The following LGSN variants were observed in gnomAD, a reference collection of about 807,000 sequenced individuals.
LGSN encodes the protein lengsin, lens protein with glutamine synthetase domain, also known as lengsin.
LGSN carries 21 observed loss-of-function variants against 19.5 expected under a neutral mutation model. The ratio of observed to expected loss-of-function variants is 1.07; its 90% CI spans 0.76 to 1.55. The LOEUF (loss-of-function observed/expected upper bound fraction) is 1.55. Ranked by LOEUF, LGSN falls within the 40% of genes most tolerant of loss-of-function variation. The pLI, the probability that LGSN is intolerant of heterozygous loss-of-function variation, is 0.00. For synonymous variants in LGSN, 257 were observed against 215.6 expected, an observed-to-expected ratio of 1.19 and a Z score of -1.68; for missense variants, 673 against 608.5, an observed-to-expected ratio of 1.11 and a Z score of -1.12.
the LGSN span, among the ~76,000 whole-genome samples, chr6:63,331,404 C>A: frequency 4.2e-3 from 634 of 152,152 alleles, 9 homozygotes; most frequent in Middle Eastern, 0.017. Flanking sequence ...GGGGCCAAGC[C>A]GTAGTGCAGA....
chr6:63,534,062 A>G, the LGSN span, among the ~76,000 whole-genome samples: 1 of 152,034 alleles, frequency 6.6e-6, no homozygotes, highest in Non-Finnish European at 1.5e-5. Context: ...AGGCTAGTCT[A>G]GAAATTCTGG....
At chr6:63,288,798 G>A (rs1767652245) in intron 2 of LGSN, among the ~76,000 whole-genome samples, 2 of 152,114 alleles carry the variant, frequency 1.3e-5, no homozygotes, top group African/African-American at 4.8e-5. Flanking sequence ...GCATGTCTGT[G>A]GCCTAAACTC....
the LGSN span, chr6:63,441,300 C>A: frequency 2.2e-6 from 1 of 457,758 alleles, no homozygotes; most frequent in Non-Finnish European, 4.4e-6. Flanking sequence ...GCCGCAGCAC[C>A]CACCAGCAGA....
At chr6:63,448,584 T>C in the LGSN span, among the ~76,000 whole-genome samples, 3 of 151,896 alleles carry the variant, frequency 2.0e-5, no homozygotes, top group African/African-American at 4.8e-5. Flanking sequence ...CTAAGTATTA[T>C]ACACCCTCGA....
chr6:63,361,198 A>T, the LGSN span, among the ~76,000 whole-genome samples: 1 of 152,194 alleles, frequency 6.6e-6, no homozygotes. Context: ...GACAGGGACA[A>T]ATAAGTCTGC....
chr6:63,538,880 A>C, the LGSN span, among the ~76,000 whole-genome samples: 1 of 151,946 alleles, frequency 6.6e-6, no homozygotes, highest in South Asian at 2.1e-4. Flanking sequence ...GAGAAGTAAT[A>C]ATATTTATTT....
the LGSN span, among the ~76,000 whole-genome samples, chr6:63,566,038 T>C: frequency 1.9e-4 from 29 of 152,352 alleles, no homozygotes; most frequent in African/African-American, 6.3e-4. Flanking sequence ...TGGTTTCCCA[T>C]TTACACTACA....
At chr6:63,473,474 A>T in the LGSN span, among the ~76,000 whole-genome samples, 5 of 35,822 alleles carry the variant, frequency 1.4e-4, no homozygotes, top group East Asian at 8.8e-4. Flanking sequence ...ACTCTGTCTA[A>T]AAAAAAAAAA....
the LGSN span, among the ~76,000 whole-genome samples, chr6:63,462,709 C>T: frequency 6.6e-6 from 1 of 152,156 alleles, no homozygotes; most frequent in Admixed American, 6.5e-5. Context: ...AGGAGTGTTT[C>T]CAGAGTGTCA....
the LGSN span, among the ~76,000 whole-genome samples, chr6:63,564,409 A>T: frequency 2.6e-5 from 4 of 152,222 alleles, no homozygotes; most frequent in African/African-American, 9.6e-5. Context: ...CCCTAGTTAA[A>T]AAGCAACTGT....
the LGSN span, among the ~76,000 whole-genome samples, chr6:63,429,734 T>TG: frequency 1.3e-5 from 1 of 75,204 alleles, no homozygotes; most frequent in African/African-American, 6.3e-5. Context: ...AGACTCCATC[T>TG]CAAAAAAAAA....
chr6:63,514,710 TTTTG>T, the LGSN span, among the ~76,000 whole-genome samples: 2 of 152,088 alleles, frequency 1.3e-5, no homozygotes, highest in Non-Finnish European at 1.5e-5. Context: ...AACAAGTGCT[TTTTG>T]TTTGTTTGTT....
the LGSN span, among the ~76,000 whole-genome samples, chr6:63,432,161 G>GA: frequency 7.4e-5 from 6 of 81,078 alleles, no homozygotes; most frequent in Admixed American, 1.4e-4. Context: ...AAGAAAGAAA[G>GA]AAAGAAAGAA....
At chr6:63,335,139 T>C in the LGSN span, among the ~76,000 whole-genome samples, 2 of 126,672 alleles carry the variant, frequency 1.6e-5, no homozygotes, top group Admixed American at 1.6e-4. Context: ...TGAGACTCCA[T>C]CTCAAAAAAA....
the LGSN span, among the ~76,000 whole-genome samples, chr6:63,338,636 A>T: frequency 6.6e-6 from 1 of 151,988 alleles, no homozygotes; most frequent in South Asian, 2.1e-4. Context: ...TTATCTTTTC[A>T]GGAAACAAAC....
At chr6:63,349,997 T>G in the LGSN span, among the ~76,000 whole-genome samples, 1 of 152,192 alleles carries the variant, frequency 6.6e-6, no homozygotes, top group Admixed American at 6.5e-5. Flanking sequence ...TACCCAAAGA[T>G]TTAGAAGAAT....
chr6:63,523,586 T>G, the LGSN span, among the ~76,000 whole-genome samples: 1 of 152,166 alleles, frequency 6.6e-6, no homozygotes, highest in African/African-American at 2.4e-5. Context: ...TAAAACCAGT[T>G]CCATGTCAAT....
intron 1 of LGSN, among the ~76,000 whole-genome samples, chr6:63,305,109 C>A (rs1368431175): frequency 6.6e-6 from 1 of 152,122 alleles, no homozygotes; most frequent in African/African-American, 2.4e-5. Context: ...CACAGTGAAA[C>A]TTTAAGGAAG....
At chr6:63,546,657 G>A in the LGSN span, among the ~76,000 whole-genome samples, 1 of 151,884 alleles carries the variant, frequency 6.6e-6, no homozygotes, top group African/African-American at 2.4e-5. Flanking sequence ...AGTGAGCTGA[G>A]ATCGTGCCAT....
Sources: gnomAD v4.1 joint callset for allele counts (sites outside exome capture counted in the v4.1 genomes callset) on GRCh38, gnomAD v4.1.1 for gene constraint, MANE v1.5 for transcripts, NCBI Gene and HGNC (gene_info 2026-07-23, HGNC 2026-07-21) for gene names.